FHIT: variants seen among roughly 807,000 people sequenced by gnomAD.
FHIT encodes bis(5'-adenosyl)-triphosphatase.
In FHIT, 19 loss-of-function variants were observed where a neutral mutation model predicts 17.9. The ratio of observed to expected loss-of-function variants is 1.06; its 90% CI spans 0.74 to 1.56. The LOEUF (loss-of-function observed/expected upper bound fraction) is 1.56. FHIT is among the 40% of genes most tolerant of loss of function. The pLI is 0.00. For missense variants in FHIT, 248 were observed against 189.2 expected (o/e 1.31, Z -1.82); for synonymous variants, 81 against 69.7 (o/e 1.16, Z -0.81).
At position 59,854,358 on chromosome 3, in the gene FHIT, G is replaced by A. The variant is rs531348473; in HGVS notation, c.348+67988C>T. Among the ~76,000 whole-genome samples, 14 of 152,176 alleles carry A rather than the reference G, an allele frequency of 9.2e-5. No individual in the cohort carries two copies. The South Asian group carries it at 2.7e-3, about 29-fold the overall frequency. On this transcript the variant is annotated intron_variant, in intron 8 of 9. Coordinates refer to ENST00000492590, the MANE Select transcript of FHIT (RefSeq NM_002012.4). ...TACGTCTGATAAATAATTGAAGCTC[G>A]GTATTGTGCTTACGTCGCATGTGCA...
intron 8 of FHIT, among the ~76,000 whole-genome samples, chr3:59,886,938 C>A (rs528951175): frequency 7.9e-5 from 12 of 152,214 alleles, no homozygotes; most frequent in African/African-American, 1.7e-4. Context: ...GCAGGGCTAC[C>A]AGAGAACCAG....
intron 3 of FHIT, among the ~76,000 whole-genome samples, chr3:61,005,675 T>C (rs1416895245): frequency 6.6e-6 from 1 of 152,184 alleles, no homozygotes; most frequent in East Asian, 1.9e-4. Flanking sequence ...GTGTGGTGCA[T>C]GGCTGGGCCA....
intron 4 of FHIT, among the ~76,000 whole-genome samples, chr3:60,781,665 A>T (rs998658802): frequency 6.6e-6 from 1 of 152,140 alleles, no homozygotes; most frequent in East Asian, 1.9e-4. Flanking sequence ...TGCTAAGTCT[A>T]TTGTGAAAAT....
intron 2 of FHIT, among the ~76,000 whole-genome samples, chr3:61,116,513 T>A (rs984781231): frequency 6.6e-6 from 1 of 152,086 alleles, no homozygotes; most frequent in Admixed American, 6.6e-5. Flanking sequence ...TCATGACCTC[T>A]AAAAATCACT....
At chr3:60,139,484 A>T (rs1699945512) in intron 5 of FHIT, among the ~76,000 whole-genome samples, 1 of 152,150 alleles carries the variant, frequency 6.6e-6, no homozygotes. Flanking sequence ...AAAGTCTATC[A>T]CCCCAGCTTA....
chr3:61,061,412 T>C (rs1361345008), intron 2 of FHIT, among the ~76,000 whole-genome samples: 1 of 152,014 alleles, frequency 6.6e-6, no homozygotes, highest in African/African-American at 2.4e-5. Context: ...TATATGTTAT[T>C]TAATATCAAA....
intron 4 of FHIT, among the ~76,000 whole-genome samples, chr3:60,781,725 T>C (rs1203301687): frequency 2.6e-5 from 4 of 152,168 alleles, no homozygotes; most frequent in African/African-American, 9.7e-5. Flanking sequence ...TAAGGTCTTC[T>C]ACAAATAAAA....
At chr3:60,067,365 T>A (rs947043611) in intron 5 of FHIT, among the ~76,000 whole-genome samples, 2 of 152,070 alleles carry the variant, frequency 1.3e-5, no homozygotes. Context: ...TAAGCACACA[T>A]ACACAGCAGA....
At chr3:59,869,839 G>A (rs369960529) in intron 8 of FHIT, among the ~76,000 whole-genome samples, 2 of 152,026 alleles carry the variant, frequency 1.3e-5, no homozygotes, top group South Asian at 4.2e-4. Context: ...GATGAAAGCT[G>A]CCCACTGTAA....
At chr3:60,489,349 G>A (rs769909228) in intron 5 of FHIT, among the ~76,000 whole-genome samples, 14 of 152,078 alleles carry the variant, frequency 9.2e-5, no homozygotes, top group Non-Finnish European at 1.5e-4. Flanking sequence ...TTTTATTTCT[G>A]AGAAAGCAAC....
intron 4 of FHIT, among the ~76,000 whole-genome samples, chr3:60,632,010 T>C (rs557122239): frequency 6.6e-6 from 1 of 152,254 alleles, no homozygotes; most frequent in East Asian, 1.9e-4. Flanking sequence ...CTCTGAAAAT[T>C]GAAATTATTT....
intron 5 of FHIT, among the ~76,000 whole-genome samples, chr3:60,169,234 C>T (rs1430500042): frequency 2.0e-5 from 3 of 152,152 alleles, no homozygotes; most frequent in African/African-American, 7.2e-5. Flanking sequence ...AATAGAAACA[C>T]ACGAAGAGAA....
chr3:60,096,095 C>T (rs757710080), intron 5 of FHIT, among the ~76,000 whole-genome samples: 1 of 152,230 alleles, frequency 6.6e-6, no homozygotes, highest in Non-Finnish European at 1.5e-5. Flanking sequence ...AGGCCTCACT[C>T]GGCCATGCTA....
At chr3:60,559,681 G>C (rs1409500368) in intron 4 of FHIT, among the ~76,000 whole-genome samples, 1 of 152,144 alleles carries the variant, frequency 6.6e-6, no homozygotes, top group African/African-American at 2.4e-5. Flanking sequence ...CTAACCCACT[G>C]AGAAGATGGA....
intron 7 of FHIT, among the ~76,000 whole-genome samples, chr3:59,973,702 T>A (rs1011375189): frequency 1.3e-5 from 2 of 152,134 alleles, no homozygotes; most frequent in African/African-American, 4.8e-5. Context: ...TTCATCCCCA[T>A]AAGTTCTGAG....
chr3:60,882,855 T>C (rs1205463478), intron 3 of FHIT, among the ~76,000 whole-genome samples: 1 of 152,110 alleles, frequency 6.6e-6, no homozygotes, highest in Non-Finnish European at 1.5e-5. Context: ...ACATTGGAAG[T>C]CCTAGCCAGA....
At chr3:61,185,922 T>C (rs2038494025) in intron 2 of FHIT, among the ~76,000 whole-genome samples, 1 of 152,190 alleles carries the variant, frequency 6.6e-6, no homozygotes, top group African/African-American at 2.4e-5. Context: ...AGACTGTGAT[T>C]CTCAAAATGC....
At chr3:61,114,982 T>C (rs2106901972) in intron 2 of FHIT, among the ~76,000 whole-genome samples, 1 of 152,232 alleles carries the variant, frequency 6.6e-6, no homozygotes, top group Middle Eastern at 3.4e-3. Flanking sequence ...AAAAGATGCT[T>C]TTTCCACTTA....
chr3:60,487,386 G>A (rs761972722), intron 5 of FHIT, among the ~76,000 whole-genome samples: 15 of 152,174 alleles, frequency 9.9e-5, no homozygotes, highest in Non-Finnish European at 1.9e-4. Context: ...TGTGATTACT[G>A]CTCAAAGTCA....
Sources: gnomAD v4.1 joint callset for allele counts (sites outside exome capture counted in the v4.1 genomes callset) on GRCh38, gnomAD v4.1.1 for gene constraint, MANE v1.5 for transcripts, NCBI Gene and HGNC (gene_info 2026-07-23, HGNC 2026-07-21) for gene names.